The following RANBP17 variants were observed in gnomAD, a reference collection of about 807,000 sequenced individuals.
The protein encoded by RANBP17 is ran-binding protein 17.
RANBP17 carries 158 observed loss-of-function variants against 141.2 expected under a neutral mutation model. The observed-to-expected ratio is 1.12, with a 90% CI of 0.98 to 1.28. The LOEUF (loss-of-function observed/expected upper bound fraction) is 1.28. Ranked by LOEUF, RANBP17 falls within the 50% of genes most tolerant of loss-of-function variation. RANBP17 has a pLI of 0.00. For synonymous variants in RANBP17, 430 were observed against 450.0 expected (o/e 0.96, Z 0.56); for missense variants, 1,438 against 1,290.7 (o/e 1.11, Z -1.75).
At chr5:171,238,306 A>ATG (rs1764664143) in intron 22 of RANBP17, among the ~76,000 whole-genome samples, 1 of 152,220 alleles carries the variant, frequency 6.6e-6, no homozygotes. Context: ...GTTAATACAG[A>ATG]TGTATCTGAC....
chr5:170,987,072 G>A (rs192115919), intron 14 of RANBP17, among the ~76,000 whole-genome samples: 1 of 151,862 alleles, frequency 6.6e-6, no homozygotes, highest in African/African-American at 2.4e-5. Flanking sequence ...TAAACAAATT[G>A]TTTCATACAT....
In RANBP17 at chr5:170,896,051, G is replaced by C; in HGVS notation, c.425G>C (p.Gly142Ala). ...IIADVKKFLQGTVEHCIIGVI... is the reference protein window; with the variant it reads ...IIADVKKFLQATVEHCIIGVI... ...TAAACTTTGTTATTTTCTCCAAAGG[G>C]TACTGTGGAACACTGCATAATAGGA... Residue 142 changes from glycine (G) to alanine (A), a missense_variant and splice_region_variant, in exon 5 of 28, where the codon GGT becomes GCT. Gly to Ala is a moderately conservative substitution (Grantham distance 60). Coordinates refer to ENST00000523189, the MANE Select transcript of RANBP17 (RefSeq NM_022897.5). 1 of 1,593,342 alleles carries C rather than the reference G, an allele frequency of 6.3e-7. No individual in the cohort carries two copies. The highest frequency in any genetic ancestry group is 8.6e-7 in the Non-Finnish European group (1 of 1,168,994).
chr5:171,057,324 C>T (rs1268582598), intron 14 of RANBP17, among the ~76,000 whole-genome samples: 1 of 151,950 alleles, frequency 6.6e-6, no homozygotes, highest in Non-Finnish European at 1.5e-5. Flanking sequence ...TAGTGACAAA[C>T]CATTTTATAT....
At chr5:171,161,950 A>G (rs544615984) in intron 14 of RANBP17, among the ~76,000 whole-genome samples, 1 of 152,282 alleles carries the variant, frequency 6.6e-6, no homozygotes, top group Non-Finnish European at 1.5e-5. Context: ...CCCTCTCACA[A>G]ACTTCATCCA....
rs1266051861 is a variant in RANBP17 at position 171,023,323 on chromosome 5, TTTGTACTA to T, written c.1710+54951_1710+54958del. On this transcript the variant is annotated intron_variant, in intron 14 of 27. Coordinates refer to ENST00000523189, the MANE Select transcript of RANBP17 (RefSeq NM_022897.5). ...TTTTATAACTTTTATATTTCTGTCC[TTTGTACTA>T]TTGTTCTTATAGATTTTACATCTAC... Among the ~76,000 whole-genome samples, 3 of 152,348 alleles carry T rather than the reference TTTGTACTA, an allele frequency of 2.0e-5. No homozygotes were observed. In the East Asian group the frequency reaches 5.8e-4, roughly 29 times the overall value.
intron 16 of RANBP17, among the ~76,000 whole-genome samples, chr5:171,182,450 A>G (rs1413560629): frequency 1.3e-5 from 2 of 152,214 alleles, no homozygotes; most frequent in Non-Finnish European, 2.9e-5. Context: ...GGCCTTTGGA[A>G]CCAAACTACA....
At chr5:171,043,585 A>G (rs1239034296) in intron 14 of RANBP17, among the ~76,000 whole-genome samples, 1 of 152,182 alleles carries the variant, frequency 6.6e-6, no homozygotes, top group Admixed American at 6.5e-5. Flanking sequence ...GTAAACAGGA[A>G]TATATTTATT....
At chr5:171,122,630 A>T (rs974147696) in intron 14 of RANBP17, among the ~76,000 whole-genome samples, 2 of 152,202 alleles carry the variant, frequency 1.3e-5, no homozygotes, top group African/African-American at 4.8e-5. Flanking sequence ...GATCCCTAAC[A>T]GTCCATGTTC....
At chr5:170,929,944 T>A (rs887767767) in intron 12 of RANBP17, among the ~76,000 whole-genome samples, 1 of 152,206 alleles carries the variant, frequency 6.6e-6, no homozygotes, top group Non-Finnish European at 1.5e-5. Context: ...TCAAGGAATT[T>A]ACTCAATGTT....
intron 12 of RANBP17, among the ~76,000 whole-genome samples, chr5:170,930,018 G>A (rs1170600270): frequency 6.6e-6 from 1 of 152,060 alleles, no homozygotes; most frequent in East Asian, 1.9e-4. Context: ...AGAAGCTGAA[G>A]TTGAGATTGA....
chr5:171,105,381 CAAA>C (rs1167025699), intron 14 of RANBP17, among the ~76,000 whole-genome samples: 7 of 54,266 alleles, frequency 1.3e-4, no homozygotes, highest in Non-Finnish European at 9.7e-5. Flanking sequence ...GACTCCGTCT[CAAA>C]AAAAAAAAAA....
chr5:171,107,008 G>T (rs1354319455), intron 14 of RANBP17, among the ~76,000 whole-genome samples: 1 of 146,906 alleles, frequency 6.8e-6, no homozygotes, highest in Non-Finnish European at 1.5e-5. Context: ...TGGGGTTTAG[G>T]ACCCACGTAT....
At chr5:171,038,079 G>A (rs867049669) in intron 14 of RANBP17, among the ~76,000 whole-genome samples, 5 of 151,936 alleles carry the variant, frequency 3.3e-5, no homozygotes, top group African/African-American at 9.7e-5. Context: ...CCATTTGTTT[G>A]TGTCATCTGA....
intron 14 of RANBP17, among the ~76,000 whole-genome samples, chr5:171,087,492 G>C (rs992587781): frequency 6.9e-4 from 105 of 151,904 alleles, no homozygotes; most frequent in African/African-American, 2.2e-3. Flanking sequence ...GCTTGGTGCA[G>C]AGCTGAGTTC....
intron 5 of RANBP17, among the ~76,000 whole-genome samples, chr5:170,906,993 A>C (rs539472313): frequency 3.3e-5 from 5 of 152,080 alleles, no homozygotes; most frequent in African/African-American, 1.2e-4. Flanking sequence ...TTACAGTTTC[A>C]ACTAGCATTT....
At chr5:170,936,264 G>C (rs1349565413) in intron 12 of RANBP17, among the ~76,000 whole-genome samples, 1 of 151,984 alleles carries the variant, frequency 6.6e-6, no homozygotes, top group East Asian at 1.9e-4. Flanking sequence ...ATGCCCCGCC[G>C]TGCTAGGTGG....
rs1270940516 is a variant in RANBP17, at chr5:171,058,833, G to C, written c.1710+90456G>C. Among the ~76,000 whole-genome samples, 15 of 149,514 alleles carry C rather than the reference G, an allele frequency of 1.0e-4. No homozygotes were observed. The East Asian group carries it at 1.4e-3, about 14-fold the overall frequency. On this transcript the variant is annotated intron_variant, in intron 14 of 27. Transcript: ENST00000523189. ...TCCTCTCCAGCACCTGTTGTTTCCT[G>C]ACTTTTTAATGATTGCCATTCTAAC... is the stretch of plus-strand genomic sequence containing the variant.
chr5:170,955,679 T>TATATAC (rs1775631548), intron 13 of RANBP17, among the ~76,000 whole-genome samples: 1 of 28,406 alleles, frequency 3.5e-5, no homozygotes, highest in Non-Finnish European at 8.4e-5. Context: ...TATATATATA[T>TATATAC]ATACACTGAA....
chr5:170,898,441 G>A (rs904020575), intron 5 of RANBP17, among the ~76,000 whole-genome samples: 1 of 151,962 alleles, frequency 6.6e-6, no homozygotes, highest in Non-Finnish European at 1.5e-5. Context: ...TTGTCAGATG[G>A]ATAGATTGCA....
Sources: gnomAD v4.1 joint callset for allele counts (sites outside exome capture counted in the v4.1 genomes callset) on GRCh38, gnomAD v4.1.1 for gene constraint, MANE v1.5 for transcripts, NCBI Gene and HGNC (gene_info 2026-07-23, HGNC 2026-07-21) for gene names.